Variants in RGS7BP observed in about 807,000 individuals in gnomAD.
The protein encoded by RGS7BP is regulator of G protein signaling 7 binding protein.
Under a neutral mutation model 31.3 loss-of-function variants are expected in RGS7BP, and 9 were observed. The observed-to-expected ratio is 0.29, with a 90% confidence interval of 0.17 to 0.50. The LOEUF (loss-of-function observed/expected upper bound fraction) is 0.50, where lower values mean the gene tolerates loss of function less well. RGS7BP is among the 20% of genes least tolerant of loss of function. RGS7BP has a pLI of 0.98. For synonymous variants in RGS7BP, 115 were observed against 120.1 expected, an observed-to-expected ratio of 0.96 and a Z score of 0.28; for missense variants, 274 against 322.0, an observed-to-expected ratio of 0.85 and a Z score of 1.14.
chr5:64,548,689 T>C (rs1433248331), intron 2 of RGS7BP, among the ~76,000 whole-genome samples: 1 of 152,018 alleles, frequency 6.6e-6, no homozygotes, highest in African/African-American at 2.4e-5. Context: ...GTATTTTTAG[T>C]AGAGACGGGG....
Position 64,610,763 on chromosome 5 carries a change from T to C in RGS7BP, c.*1511T>C, listed in dbSNP as rs1295105476. ...TTATATGAAATTTCCTATATGTGAC[T>C]GTTTTGACCTACAAAATGGCAATTT... On this transcript the variant is annotated 3_prime_UTR_variant, in exon 6 of 6. Transcript: ENST00000334025. 2.0e-5 allele frequency: 3 copies of C among 152,008 alleles called. No individual in the cohort carries two copies. The highest frequency in any genetic ancestry group is 2.1e-4 in the South Asian group (1 of 4,830). 9.4% of individuals were successfully genotyped at this position (152,008 alleles called of 1,614,324 possible).
intron 2 of RGS7BP, among the ~76,000 whole-genome samples, chr5:64,545,333 C>T (rs958239345): frequency 6.6e-6 from 1 of 151,806 alleles, no homozygotes; most frequent in African/African-American, 2.4e-5. Flanking sequence ...TTAATGGGTG[C>T]AGCACACCAA....
At chr5:64,511,534 G>A (rs1580382501) in intron 2 of RGS7BP, among the ~76,000 whole-genome samples, 1 of 152,168 alleles carries the variant, frequency 6.6e-6, no homozygotes, top group African/African-American at 2.4e-5. Context: ...GACAGTCGCA[G>A]TGGCATAACT....
In RGS7BP at chr5:64,506,814, T is replaced by TTA. The variant is rs746513162; in HGVS notation, c.165+26_165+27insAT. On this transcript the variant is annotated intron_variant, in intron 1 of 5. Coordinates refer to ENST00000334025, the MANE Select transcript of RGS7BP (RefSeq NM_001029875.3). This position sits in a 1 kb window ranked among gnomAD's most constrained non-coding sequence, Gnocchi z 4.6. Reference sequence around the variant, plus strand: ...GGTGGGTGAAAACTGCGCCTCTTTTTTTTTTTTTTTAATTGAGAGGGGGTG... The same window carrying TTA: ...GGTGGGTGAAAACTGCGCCTCTTTTTTATTTTTTTTTTAATTGAGAGGGGGTG... 1.3e-6 allele frequency: 2 copies of TTA among 1,539,934 alleles called. No individual in the cohort carries two copies. Among genetic ancestry groups the TTA allele is most frequent in the Non-Finnish European group, 1.8e-6 (2 of 1,140,528 alleles).
chr5:64,562,886 A>G (rs1446160218), intron 2 of RGS7BP, among the ~76,000 whole-genome samples: 1 of 152,148 alleles, frequency 6.6e-6, no homozygotes, highest in Non-Finnish European at 1.5e-5. Context: ...GCAGTAAGCT[A>G]GGTGCTAGGG....
At chr5:64,533,417 A>G (rs1246025438) in intron 2 of RGS7BP, among the ~76,000 whole-genome samples, 4 of 152,186 alleles carry the variant, frequency 2.6e-5, no homozygotes, top group Non-Finnish European at 4.4e-5. Flanking sequence ...TTCCATAAAT[A>G]TCTCCCAGAA....
At chr5:64,548,942 T>C (rs1050010138) in intron 2 of RGS7BP, among the ~76,000 whole-genome samples, 2 of 150,966 alleles carry the variant, frequency 1.3e-5, no homozygotes, top group African/African-American at 4.9e-5. Context: ...CTTCAACATA[T>C]AAATTTGTCG....
chr5:64,554,996 A>C (rs1419611603), intron 2 of RGS7BP, among the ~76,000 whole-genome samples: 1 of 152,102 alleles, frequency 6.6e-6, no homozygotes, highest in Non-Finnish European at 1.5e-5. Flanking sequence ...TGCAACAGAG[A>C]AATGTAAAGA....
chr5:64,594,347 C>T (rs748788365), intron 3 of RGS7BP, among the ~76,000 whole-genome samples: 3 of 152,072 alleles, frequency 2.0e-5, no homozygotes, highest in African/African-American at 4.8e-5. Flanking sequence ...ATCTAAGCAC[C>T]AAAAGCCAGT....
chr5:64,506,905 T>A lies in RGS7BP; in HGVS notation c.165+116T>A, dbSNP rs1271272846. On this transcript the variant is annotated intron_variant, in intron 1 of 5. Transcript: ENST00000334025. The surrounding 1 kb of genome is among the most constrained non-coding windows in gnomAD (Gnocchi z 4.6). ...CACTCCCCCACCCTCAGCTCCTCAA[T>A]GCCGATCACGTGGCACATGCACTAT... is the stretch of plus-strand genomic sequence containing the variant. 3.1e-6 allele frequency: 3 copies of A among 965,604 alleles called. No homozygotes were observed. The highest frequency in any genetic ancestry group is 4.6e-6 in the Non-Finnish European group (3 of 656,184). 59.8% of individuals were successfully genotyped at this position (965,604 alleles called of 1,614,324 possible).
intron 2 of RGS7BP, among the ~76,000 whole-genome samples, chr5:64,554,497 G>A (rs1308391780): frequency 6.6e-6 from 1 of 152,158 alleles, no homozygotes; most frequent in Non-Finnish European, 1.5e-5. Flanking sequence ...CATGCTTAGT[G>A]AAGAGGTAGG....
intron 4 of RGS7BP, 95 bp from the exon 5 acceptor site, chr5:64,598,270 A>T (rs2111967720): frequency 7.9e-6 from 6 of 759,468 alleles, no homozygotes; most frequent in South Asian, 7.5e-5. Context: ...TTAGACACAG[A>T]CCCTCATCTT....
chr5:64,512,805 C>T (rs1001920859), intron 2 of RGS7BP, among the ~76,000 whole-genome samples: 7 of 152,020 alleles, frequency 4.6e-5, no homozygotes, highest in Admixed American at 1.3e-4. Flanking sequence ...ATCAAAAAGC[C>T]TGTTCTGAGA....
chr5:64,591,201 C>G (rs892653527), intron 3 of RGS7BP, among the ~76,000 whole-genome samples: 1 of 151,920 alleles, frequency 6.6e-6, no homozygotes, highest in African/African-American at 2.4e-5. Flanking sequence ...ATAAGAAACC[C>G]AACCCATTGT....
At chr5:64,568,484 T>C (rs1006112787) in intron 2 of RGS7BP, among the ~76,000 whole-genome samples, 7 of 152,176 alleles carry the variant, frequency 4.6e-5, no homozygotes, top group Admixed American at 1.3e-4. Flanking sequence ...AATGGTGCCT[T>C]GTACATATTA....
chr5:64,606,031 T>TAG (rs70983632), intron 5 of RGS7BP, among the ~76,000 whole-genome samples: 4 of 138,708 alleles, frequency 2.9e-5, no homozygotes, highest in African/African-American at 1.1e-4. Context: ...CATATATATA[T>TAG]ATATATATAG....
chr5:64,538,246 A>G (rs1388213807), intron 2 of RGS7BP, among the ~76,000 whole-genome samples: 2 of 152,036 alleles, frequency 1.3e-5, no homozygotes. Context: ...TTTGTTGTAC[A>G]TTTCTATGAG....
chr5:64,553,058 A>C (rs925983195), intron 2 of RGS7BP, among the ~76,000 whole-genome samples: 2 of 152,008 alleles, frequency 1.3e-5, no homozygotes, highest in Admixed American at 1.3e-4. Flanking sequence ...TTATTAATGA[A>C]CCTCTAGTAT....
At chr5:64,590,268 C>T (rs923160368) in intron 3 of RGS7BP, among the ~76,000 whole-genome samples, 6 of 151,822 alleles carry the variant, frequency 4.0e-5, no homozygotes, top group Non-Finnish European at 5.9e-5. Flanking sequence ...AATCTATTTT[C>T]GGTCATATAA....
Sources: allele counts gnomAD v4.1 joint callset (sites outside exome capture counted in the v4.1 genomes callset), GRCh38; gene constraint gnomAD v4.1.1; non-coding constraint Gnocchi (gnomAD v3.1); transcripts MANE v1.5; gene names NCBI Gene and HGNC (gene_info 2026-07-23, HGNC 2026-07-21).